The following CC2D1A variants were observed in gnomAD, a reference collection of about 807,000 sequenced individuals.
The protein encoded by CC2D1A is coiled-coil and C2 domain containing 1A, also known as coiled-coil and C2 domain-containing protein 1A.
A neutral mutation model predicts 123.8 loss-of-function variants in CC2D1A; 68 were observed. The observed-to-expected ratio is 0.55, with a 90% CI of 0.45 to 0.67. The LOEUF (loss-of-function observed/expected upper bound fraction) is 0.67, where lower values mean the gene tolerates loss of function less well. CC2D1A is among the 30% of genes least tolerant of loss of function. The pLI, the probability that CC2D1A is intolerant of heterozygous loss-of-function variation, is 0.00. For synonymous variants in CC2D1A, 477 were observed against 528.0 expected (o/e 0.90, Z 1.32); for missense variants, 1,185 against 1,290.3 (o/e 0.92, Z 1.25).
chr19:13,919,924 G>A lies in CC2D1A; in HGVS notation c.1329G>A (p.Glu443=). ...MKLANQDEGP[E]DEEDEVPKKQ... is the part of the protein sequence containing the mutation. ...TGGCCAACCAGGATGAAGGCCCAGA[G>A]GATGAAGAGGATGAGGTGCCTAAGA... Residue 443 remains glutamate, a synonymous_variant, in exon 12 of 29, where the codon GAG becomes GAA. Transcript: ENST00000318003. 1 of 1,613,080 alleles carries A rather than the reference G, an allele frequency of 6.2e-7. No individual in the cohort carries two copies. The highest frequency in any genetic ancestry group is 1.8e-4 in the Middle Eastern group (1 of 5,640).
chr19:13,908,290 G>A (rs1375933091), intron 1 of CC2D1A, among the ~76,000 whole-genome samples: 10 of 150,790 alleles, frequency 6.6e-5, no homozygotes, highest in Non-Finnish European at 1.3e-4. Context: ...GGTTACAGGC[G>A]TGAGCCACCG....
At chr19:13,912,664 T>G in intron 4 of CC2D1A, 71 bp downstream of exon 4, 1 of 1,484,566 alleles carries the variant, frequency 6.7e-7, no homozygotes, top group African/African-American at 1.4e-5. Flanking sequence ...GACCTAGCCT[T>G]TTTTATGAGA....
chr19:13,928,234 C>T (rs1478881358), intron 24 of CC2D1A, 46 bp downstream of exon 24: 1 of 1,530,828 alleles, frequency 6.5e-7, no homozygotes, highest in African/African-American at 1.4e-5. Flanking sequence ...CCCAATTCCC[C>T]TCTCAGCCCC....
intron 12 of CC2D1A, 101 bp downstream of exon 12, chr19:13,920,052 T>C (rs2145335688): frequency 7.9e-7 from 1 of 1,258,876 alleles, no homozygotes; most frequent in Middle Eastern, 2.8e-4. Context: ...TTTGAGACCA[T>C]CCTGGGCCAC....
In CC2D1A at chr19:13,927,179, C is replaced by T; in HGVS notation, c.2230C>T (p.Leu744=). Residue 744 remains leucine (L), a synonymous_variant, in exon 22 of 29, where the codon CTG becomes TTG. Coordinates refer to ENST00000318003, the MANE Select transcript of CC2D1A (RefSeq NM_017721.5). ...ACTATACACACATGCACACAGGGGG[C>T]TGTTCAAGACTGACCGGGTGCTGGG... ...IKFEVVHKGG[L]FKTDRVLGTA... 1 of 1,613,946 alleles carries T rather than the reference C, an allele frequency of 6.2e-7. No individual in the cohort carries two copies. Among genetic ancestry groups the T allele is most frequent in the Non-Finnish European group, 8.5e-7 (1 of 1,179,892 alleles).
intron 12 of CC2D1A, 79 bp downstream of exon 12, chr19:13,920,030 T>C: frequency 7.0e-7 from 1 of 1,428,764 alleles, no homozygotes; most frequent in Non-Finnish European, 9.5e-7. Flanking sequence ...GAGGATCGCT[T>C]GAGGCCAGGA....
chr19:13,907,089 C>T (rs1473715803), intron 1 of CC2D1A, among the ~76,000 whole-genome samples: 1 of 152,162 alleles, frequency 6.6e-6, no homozygotes, highest in East Asian at 1.9e-4. Flanking sequence ...CTCTGTACAT[C>T]GGACACTTGA....
In CC2D1A at chr19:13,930,178, G is replaced by A. The variant is rs1971848459; in HGVS notation, c.2787+24G>A. ...GGGTGAGCTGGTCGCGGGCCGGGTG[G>A]GCACTGGGCAGCGGGCAGGGTGGGG... is the stretch of plus-strand genomic sequence containing the variant. On this transcript the variant is annotated intron_variant, in intron 27 of 28. Transcript: ENST00000318003. This position sits in a 1 kb window ranked among gnomAD's most constrained non-coding sequence, Gnocchi z 6.8. The A allele has an allele frequency of 1.2e-6, 2 of 1,613,162 alleles. No individual in the cohort carries two copies. Among genetic ancestry groups the A allele is most frequent in the Admixed American group, 3.3e-5 (2 of 59,980 alleles).
At chr19:13,920,049 C>T in intron 12 of CC2D1A, 98 bp downstream of exon 12, 1 of 1,244,494 alleles carries the variant, frequency 8.0e-7, no homozygotes, top group South Asian at 1.5e-5. Flanking sequence ...GAGTTTGAGA[C>T]CATCCTGGGC....
chr19:13,919,072 C>T (rs1250909226), intron 10 of CC2D1A, 30 bp downstream of exon 10: 2 of 1,601,484 alleles, frequency 1.2e-6, no homozygotes, highest in Non-Finnish European at 8.5e-7. Context: ...GGAGGTGGGG[C>T]GAGTGGGCAG....
At position 13,919,826 on chromosome 19, in the gene CC2D1A, C is replaced by A. The variant is rs780491820; in HGVS notation, c.1231C>A (p.Pro411Thr). 20 of 1,602,228 alleles carry A rather than the reference C, an allele frequency of 1.2e-5. No homozygotes were observed. The Admixed American group carries it at 2.5e-4, about 20-fold the overall frequency. Residue 411 changes from proline to threonine, a missense_variant, in exon 12 of 29, where the codon CCA (proline) becomes ACA (threonine). Coordinates refer to ENST00000318003, the MANE Select transcript of CC2D1A (RefSeq NM_017721.5). ...AELPVPPGFP[P>T]IQGLEATKPT... ...CTCGACTGGCCACCCAGGCTTCCCC[C>A]CAATCCAGGGCCTGGAGGCCACCAA...
At chr19:13,920,258 A>G (rs987836652) in intron 12 of CC2D1A, 2 of 502,984 alleles carry the variant, frequency 4.0e-6, no homozygotes, top group Non-Finnish European at 6.9e-6. Flanking sequence ...CTCCAAGACA[A>G]TTAAAAAAAA....
Position 13,930,668 on chromosome 19 carries a change from C to T in CC2D1A, c.*273C>T, listed in dbSNP as rs915432874. Reference sequence around the variant, plus strand: ...AGGGGTGTCCGGCCTCTGGCCCGCCCCGGAGCAGGGAGGGTGGCTGGGGCC... The same window carrying T: ...AGGGGTGTCCGGCCTCTGGCCCGCCTCGGAGCAGGGAGGGTGGCTGGGGCC... On this transcript the variant is annotated 3_prime_UTR_variant, in exon 29 of 29. Transcript: ENST00000318003. This position sits in a 1 kb window ranked among gnomAD's most constrained non-coding sequence, Gnocchi z 6.8. The T allele has an allele frequency of 5.7e-5, 29 of 505,988 alleles. No individual in the cohort carries two copies. The highest frequency in any genetic ancestry group is 5.0e-4 in the African/African-American group (26 of 51,536). The allele number at this position is 505,988 out of a possible 1,614,324, so 31.3% of individuals were successfully genotyped here.
intron 4 of CC2D1A, 52 bp from the exon 5 acceptor site, chr19:13,913,114 CAG>C (rs1008410603): frequency 6.9e-5 from 104 of 1,511,436 alleles, no homozygotes; most frequent in East Asian, 3.4e-4. Context: ...AAGGGGCTAA[CAG>C]GGGCATCCCA....
At chr19:13,907,489 A>G (rs1433341595) in intron 1 of CC2D1A, among the ~76,000 whole-genome samples, 1 of 151,994 alleles carries the variant, frequency 6.6e-6, no homozygotes, top group South Asian at 2.1e-4. Flanking sequence ...TTGGGAGGCC[A>G]TGGCGAAACC....
intron 6 of CC2D1A, among the ~76,000 whole-genome samples, chr19:13,913,944 C>T (rs539352344): frequency 6.6e-6 from 1 of 151,676 alleles, no homozygotes; most frequent in African/African-American, 2.4e-5. Flanking sequence ...CGCAGTGGCA[C>T]GATCTCAGCT....
Position 13,930,165 on chromosome 19 carries a change from C to T in CC2D1A, c.2787+11C>T, listed in dbSNP as rs534395579. On this transcript the variant is annotated intron_variant, in intron 27 of 28. Transcript: ENST00000318003. The surrounding 1 kb of genome is among the most constrained non-coding windows in gnomAD (Gnocchi z 6.8). ...AACGATGGCAGCAGGGTGAGCTGGT[C>T]GCGGGCCGGGTGGGCACTGGGCAGC... is the stretch of plus-strand genomic sequence containing the variant. 1.5e-4 allele frequency: 245 copies of T among 1,613,156 alleles called. 3 individuals carry two copies. In the South Asian group the frequency reaches 2.4e-3, roughly 16 times the overall value.
In CC2D1A at chr19:13,930,524, G is replaced by C. The variant is rs369730008; in HGVS notation, c.*129G>C. ...TCGGTTCTGGACTCACCCCTCATCC[G>C]GGCCCCCAGCCCCGCCAGAGCCTCC... On this transcript the variant is annotated 3_prime_UTR_variant, in exon 29 of 29. Coordinates refer to ENST00000318003, the MANE Select transcript of CC2D1A (RefSeq NM_017721.5). This position sits in a 1 kb window ranked among gnomAD's most constrained non-coding sequence, Gnocchi z 6.8. 7.1e-6 allele frequency: 8 copies of C among 1,129,388 alleles called. No individual in the cohort carries two copies. Among genetic ancestry groups the C allele is most frequent in the African/African-American group, 1.6e-5 (1 of 63,836 alleles). 70.0% of individuals were successfully genotyped at this position (1,129,388 alleles called of 1,614,324 possible).
intron 17 of CC2D1A, among the ~76,000 whole-genome samples, chr19:13,924,469 C>CT (rs1971523912): frequency 6.6e-6 from 1 of 151,992 alleles, no homozygotes; most frequent in Admixed American, 6.6e-5. Flanking sequence ...CACTCCCGGC[C>CT]TTTTTTAAAA....
Sources: allele counts gnomAD v4.1 joint callset (sites outside exome capture counted in the v4.1 genomes callset), GRCh38; gene constraint gnomAD v4.1.1; non-coding constraint Gnocchi (gnomAD v3.1); transcripts MANE v1.5; gene names NCBI Gene and HGNC (gene_info 2026-07-23, HGNC 2026-07-21).